MKLN1: variants seen among roughly 807,000 people sequenced by gnomAD.
The protein encoded by MKLN1 is muskelin.
MKLN1 carries 18 observed loss-of-function variants against 99.0 expected under a neutral mutation model. The ratio of observed to expected loss-of-function variants is 0.18; its 90% CI spans 0.13 to 0.27. The LOEUF is 0.27. Among genes scored for constraint, MKLN1 ranks in the 10% least tolerant of loss-of-function variants. The pLI is 1.00. For synonymous variants in MKLN1, 288 were observed against 293.2 expected (o/e 0.98, Z 0.18); for missense variants, 621 against 875.9 (o/e 0.71, Z 3.67).
chr7:131,147,217 ATT>A (rs71168371), intron 2 of MKLN1, among the ~76,000 whole-genome samples: 25,629 of 136,266 alleles, frequency 0.19, 2,836 homozygotes, highest in African/African-American at 0.34. Flanking sequence ...ACACCCAGCT[ATT>A]TTTTTTTTTT....
At chr7:131,158,627 G>C (rs1363030340) in intron 2 of MKLN1, among the ~76,000 whole-genome samples, 3 of 152,126 alleles carry the variant, frequency 2.0e-5, no homozygotes, top group Non-Finnish European at 4.4e-5. Flanking sequence ...AAGTCTTACT[G>C]TTTAATGCCA....
intron 3 of MKLN1, among the ~76,000 whole-genome samples, chr7:131,297,079 G>T (rs190516764): frequency 5.9e-5 from 9 of 152,106 alleles, no homozygotes; most frequent in Admixed American, 5.9e-4. Context: ...CAGGCTGGGC[G>T]TGGTGGCTCA....
At chr7:131,484,298 A>G (rs565465856) in intron 17 of MKLN1, among the ~76,000 whole-genome samples, 11 of 152,320 alleles carry the variant, frequency 7.2e-5, no homozygotes, top group Admixed American at 4.6e-4. Context: ...GTGAGTTAAT[A>G]AAAATTAAAG....
At chr7:131,364,102 G>A (rs946837074) in intron 1 of MKLN1, among the ~76,000 whole-genome samples, 4 of 152,038 alleles carry the variant, frequency 2.6e-5, no homozygotes, top group Admixed American at 2.0e-4. Context: ...TTGGGAGAAA[G>A]CTATCATTTT....
chr7:131,174,105 T>C (rs1039334983), intron 2 of MKLN1, among the ~76,000 whole-genome samples: 1 of 151,814 alleles, frequency 6.6e-6, no homozygotes, highest in Admixed American at 6.6e-5. Flanking sequence ...CCCGAGTAGC[T>C]GGGACTACAG....
rs146191284 is a variant in MKLN1, at chr7:131,369,036, A to G, written c.99-6388A>G. Among the ~76,000 whole-genome samples, 1,054 of 152,198 alleles carry G rather than the reference A, an allele frequency of 6.9e-3. 8 individuals carry two copies. The highest frequency in any genetic ancestry group is 0.022 in the South Asian group (105 of 4,816). On this transcript the variant is annotated intron_variant, in intron 1 of 17. Transcript: ENST00000352689. ...CACACACACACACATATCTGTATAT[A>G]ACAGGTTTTTAAAATAAGAATAGAA...
intron 1 of MKLN1, among the ~76,000 whole-genome samples, chr7:131,124,866 TC>T (rs992024617): frequency 1.3e-5 from 2 of 152,190 alleles, no homozygotes; most frequent in African/African-American, 4.8e-5. Flanking sequence ...ATATGCGCCT[TC>T]CCCTTTATAG....
intron 1 of MKLN1, among the ~76,000 whole-genome samples, chr7:131,344,539 A>T (rs1799498430): frequency 6.6e-6 from 1 of 152,194 alleles, no homozygotes; most frequent in Non-Finnish European, 1.5e-5. Context: ...CTGGGATTAC[A>T]CGTAGACCTT....
intron 1 of MKLN1, among the ~76,000 whole-genome samples, chr7:131,330,299 G>A (rs556357554): frequency 6.6e-6 from 1 of 152,334 alleles, no homozygotes; most frequent in Non-Finnish European, 1.5e-5. Flanking sequence ...GACATTTGTT[G>A]AAATTGTCCA....
chr7:131,181,124 G>A (rs894059727), intron 2 of MKLN1, among the ~76,000 whole-genome samples: 2 of 152,104 alleles, frequency 1.3e-5, no homozygotes, highest in African/African-American at 4.8e-5. Context: ...TCAGGCAAAG[G>A]GAGCAGAGCA....
At chr7:131,353,554 G>A (rs776163834) in intron 1 of MKLN1, among the ~76,000 whole-genome samples, 5 of 151,926 alleles carry the variant, frequency 3.3e-5, no homozygotes, top group African/African-American at 7.2e-5. Flanking sequence ...TCGGAAATAC[G>A]TTCTCCCAGT....
chr7:131,485,382 C>T (rs186871678), intron 17 of MKLN1, among the ~76,000 whole-genome samples: 8 of 152,110 alleles, frequency 5.3e-5, no homozygotes, highest in African/African-American at 1.9e-4. Flanking sequence ...TAGAAGGAGT[C>T]ATAGAGTCAG....
chr7:131,450,535 A>T (rs1231824608), intron 12 of MKLN1, among the ~76,000 whole-genome samples: 1 of 152,150 alleles, frequency 6.6e-6, no homozygotes, highest in Non-Finnish European at 1.5e-5. Flanking sequence ...AGACTCTTTT[A>T]TGATGTGCCC....
chr7:131,270,154 C>T (rs1797863869), intron 3 of MKLN1, among the ~76,000 whole-genome samples: 2 of 152,058 alleles, frequency 1.3e-5, no homozygotes, highest in South Asian at 2.1e-4. Context: ...GATCTCCCGA[C>T]TTCATGATCC....
chr7:131,456,505 C>T (rs977316669), intron 12 of MKLN1, among the ~76,000 whole-genome samples: 4 of 152,118 alleles, frequency 2.6e-5, no homozygotes, highest in South Asian at 2.1e-4. Flanking sequence ...AAACTAGCAG[C>T]GGTAGCCTAG....
At chr7:131,356,358 C>T (rs531621114) in intron 1 of MKLN1, among the ~76,000 whole-genome samples, 6 of 152,206 alleles carry the variant, frequency 3.9e-5, no homozygotes, top group African/African-American at 7.2e-5. Context: ...ACCTGATGGT[C>T]GCCTAACACT....
intron 3 of MKLN1, chr7:131,310,277 C>T (rs1449140169): frequency 6.6e-6 from 1 of 152,192 alleles, no homozygotes; most frequent in East Asian, 1.9e-4. Flanking sequence ...TAATACCTCT[C>T]TGGATCTGAT....
intron 16 of MKLN1, among the ~76,000 whole-genome samples, chr7:131,473,320 A>G (rs1210440814): frequency 1.3e-5 from 2 of 152,130 alleles, no homozygotes; most frequent in South Asian, 2.1e-4. Flanking sequence ...ATGTTATTAA[A>G]TGACTTTCTC....
intron 3 of MKLN1, among the ~76,000 whole-genome samples, chr7:131,258,682 C>G (rs1236372691): frequency 6.6e-6 from 1 of 152,152 alleles, no homozygotes; most frequent in Non-Finnish European, 1.5e-5. Context: ...TTTACATTCC[C>G]AGAGCTTTTT....
Sources: allele counts gnomAD v4.1 joint callset (sites outside exome capture counted in the v4.1 genomes callset), GRCh38; gene constraint gnomAD v4.1.1; transcripts MANE v1.5; gene names NCBI Gene and HGNC (gene_info 2026-07-23, HGNC 2026-07-21).